The following ANO2 variants were observed in gnomAD, a reference collection of about 807,000 sequenced individuals.
ANO2 encodes the protein anoctamin 2.
Under a neutral mutation model 124.2 loss-of-function variants are expected in ANO2, and 101 were observed. The observed-to-expected ratio is 0.81, with a 90% CI of 0.69 to 0.96. ANO2 has a LOEUF of 0.96. Ranked by LOEUF, ANO2 falls within the 40% of genes least tolerant of loss-of-function variation. ANO2 has a pLI of 0.00. For synonymous variants in ANO2, 486 were observed against 482.5 expected (o/e 1.01, Z -0.09); for missense variants, 1,293 against 1,274.5 (o/e 1.01, Z -0.22).
At chr12:5,826,864 A>G (rs1446932014) in intron 7 of ANO2, among the ~76,000 whole-genome samples, 1 of 152,144 alleles carries the variant, frequency 6.6e-6, no homozygotes, top group African/African-American at 2.4e-5. Flanking sequence ...TATTCAGTAG[A>G]CAGGACTCCA....
chr12:5,747,036 T>C (rs1337616237), intron 11 of ANO2, among the ~76,000 whole-genome samples: 1 of 152,132 alleles, frequency 6.6e-6, no homozygotes, highest in African/African-American at 2.4e-5. Context: ...GAATAAAAGG[T>C]ATCATTTAAA....
intron 5 of ANO2, among the ~76,000 whole-genome samples, chr12:5,832,107 G>A (rs1954170825): frequency 6.6e-6 from 1 of 152,148 alleles, no homozygotes; most frequent in Admixed American, 6.5e-5. Context: ...TGGCAATTGG[G>A]CAGAAGGTTT....
intron 16 of ANO2, among the ~76,000 whole-genome samples, chr12:5,631,467 G>T (rs903369186): frequency 1.3e-5 from 2 of 152,180 alleles, no homozygotes; most frequent in African/African-American, 2.4e-5. Context: ...CCTGCTTGCT[G>T]TCCATCTTTC....
At chr12:5,861,482 G>A (rs1955268468) in intron 3 of ANO2, among the ~76,000 whole-genome samples, 1 of 152,214 alleles carries the variant, frequency 6.6e-6, no homozygotes, top group Non-Finnish European at 1.5e-5. Context: ...GGATAAACAA[G>A]ACAACGTCCT....
At chr12:5,571,561 T>C (rs561533591) in intron 23 of ANO2, among the ~76,000 whole-genome samples, 1 of 152,360 alleles carries the variant, frequency 6.6e-6, no homozygotes, top group South Asian at 2.1e-4. Context: ...CAACGCTATT[T>C]GCCAGAAAAT....
At chr12:5,938,525 T>C (rs1470792543) in intron 1 of ANO2, among the ~76,000 whole-genome samples, 2 of 152,174 alleles carry the variant, frequency 1.3e-5, no homozygotes, top group East Asian at 3.9e-4. Context: ...ATTTACTTAT[T>C]AAGATAAGCT....
Position 5,706,673 on chromosome 12 carries a change from G to C in ANO2, c.1545+25847C>G, listed in dbSNP as rs111825516. Among the ~76,000 whole-genome samples the C allele has an allele frequency of 4.9e-3, 745 of 152,126 alleles. 5 individuals are homozygous for C. The highest frequency in any genetic ancestry group is 0.017 in the African/African-American group (713 of 41,482). ...TATTCATTTCTTTATCTCTGTCACT[G>C]TCTGTCCTCCTGCCACTGGAATATA... is the stretch of plus-strand genomic sequence containing the variant. On this transcript the variant is annotated intron_variant, in intron 14 of 24. Coordinates refer to ENST00000682330, the MANE Select transcript of ANO2 (RefSeq NM_001364791.2).
chr12:5,824,123 T>C (rs1953888377), intron 7 of ANO2, among the ~76,000 whole-genome samples: 2 of 152,170 alleles, frequency 1.3e-5, no homozygotes, highest in Admixed American at 1.3e-4. Context: ...GAAGCTGCTG[T>C]GAAGGTCCCT....
At chr12:5,590,416 A>C (rs372791461) in intron 20 of ANO2, among the ~76,000 whole-genome samples, 2 of 152,218 alleles carry the variant, frequency 1.3e-5, no homozygotes, top group South Asian at 2.1e-4. Flanking sequence ...TAGATTTCTC[A>C]GCCAGGGGCC....
chr12:5,933,832 T>C (rs1054637199), intron 1 of ANO2, among the ~76,000 whole-genome samples: 2 of 152,174 alleles, frequency 1.3e-5, no homozygotes, highest in Non-Finnish European at 1.5e-5. Flanking sequence ...AGCTAAGTCA[T>C]ACCCAGGTAA....
At chr12:5,878,781 T>TA (rs1371891048) in intron 3 of ANO2, among the ~76,000 whole-genome samples, 1 of 152,234 alleles carries the variant, frequency 6.6e-6, no homozygotes, top group Non-Finnish European at 1.5e-5. Flanking sequence ...TGTTGTGACT[T>TA]AGAGATGCCA....
At chr12:5,588,816 C>T (rs1338502659) in intron 20 of ANO2, among the ~76,000 whole-genome samples, 1 of 152,214 alleles carries the variant, frequency 6.6e-6, no homozygotes, top group Non-Finnish European at 1.5e-5. Context: ...GGTTGCATCA[C>T]TGCAGGGAAA....
At chr12:5,800,481 T>C (rs751221157) in intron 9 of ANO2, among the ~76,000 whole-genome samples, 4 of 152,156 alleles carry the variant, frequency 2.6e-5, no homozygotes, top group Non-Finnish European at 5.9e-5. Context: ...ATCAGAGGCA[T>C]AGGGAAGTTA....
rs765159410 is a variant in ANO2, at chr12:5,799,546, T to C, written c.1016A>G (p.Tyr339Cys). The C allele has an allele frequency of 1.9e-6, 3 of 1,613,960 alleles. No homozygotes were observed. Among genetic ancestry groups the C allele is most frequent in the East Asian group, 2.2e-5 (1 of 44,880 alleles). Reference sequence around the variant, plus strand: ...AGGTTGGAACTTATAGAACACTCCATAGCGCGCCCATTCTTGATATAGCAG... The same window carrying C: ...AGGTTGGAACTTATAGAACACTCCACAGCGCGCCCATTCTTGATATAGCAG... ...RKLLYQEWAR[Y>C]GVFYKFQPID... is the part of the protein sequence containing the mutation. Residue 339 changes from tyrosine to cysteine, a missense_variant, in exon 10 of 25, where the codon TAT becomes TGT. By Grantham distance (194) the Tyr-to-Cys change is radical (BLOSUM62 -2). Coordinates refer to ENST00000682330, the MANE Select transcript of ANO2 (RefSeq NM_001364791.2).
intron 10 of ANO2, among the ~76,000 whole-genome samples, chr12:5,777,832 G>C (rs1174068011): frequency 6.6e-6 from 1 of 152,178 alleles, no homozygotes; most frequent in Non-Finnish European, 1.5e-5. Flanking sequence ...GCGACTGCAA[G>C]GAGGTGGGAG....
At position 5,658,403 on chromosome 12, in the gene ANO2, A is replaced by C. The variant is rs1012138870; in HGVS notation, c.1546-10602T>G. Among the ~76,000 whole-genome samples, 4 of 152,156 alleles carry C rather than the reference A, an allele frequency of 2.6e-5. No homozygotes were observed. Among genetic ancestry groups the C allele is most frequent in the Non-Finnish European group, 5.9e-5 (4 of 68,038 alleles). ...CATCATCAACAACATCATCATCGTC[A>C]TTGTTATCATCATCATAACCATACC... On this transcript the variant is annotated intron_variant, in intron 14 of 24. Transcript: ENST00000682330. This position sits in a 1 kb window ranked among gnomAD's most constrained non-coding sequence, Gnocchi z 4.3.
intron 14 of ANO2, among the ~76,000 whole-genome samples, chr12:5,661,172 C>A (rs758076525): frequency 4.6e-5 from 7 of 152,140 alleles, no homozygotes; most frequent in Non-Finnish European, 7.4e-5. Flanking sequence ...CAACGGCCAT[C>A]CTGCAGCCAC....
chr12:5,755,341 T>C (rs936600493), intron 10 of ANO2, among the ~76,000 whole-genome samples: 1 of 151,026 alleles, frequency 6.6e-6, no homozygotes, highest in African/African-American at 2.4e-5. Flanking sequence ...ACTTGACTTT[T>C]GAGAATTCAA....
chr12:5,596,596 T>TG (rs1480822970), intron 20 of ANO2, among the ~76,000 whole-genome samples: 13 of 152,200 alleles, frequency 8.5e-5, no homozygotes, highest in Non-Finnish European at 1.6e-4. Flanking sequence ...AATCTTGGTG[T>TG]GAGTTCCTTC....
Sources: gnomAD v4.1 joint callset for allele counts (sites outside exome capture counted in the v4.1 genomes callset) on GRCh38, gnomAD v4.1.1 for gene constraint, Gnocchi (gnomAD v3.1) non-coding constraint, MANE v1.5 for transcripts, NCBI Gene and HGNC (gene_info 2026-07-23, HGNC 2026-07-21) for gene names.